SLC9A8: variants seen among roughly 807,000 people sequenced by gnomAD.
The protein encoded by SLC9A8 is solute carrier family 9 member A8, also known as sodium/hydrogen exchanger 8.
Under a neutral mutation model 66.6 loss-of-function variants are expected in SLC9A8, and 48 were observed. That is an observed-to-expected ratio of 0.72 (90% CI 0.57 to 0.92). The LOEUF is 0.92. SLC9A8 is among the 40% of genes least tolerant of loss of function. The pLI, the probability that SLC9A8 is intolerant of heterozygous loss-of-function variation, is 0.00. For missense variants in SLC9A8, 599 were observed against 747.3 expected (o/e 0.80, Z 2.31); for synonymous variants, 274 against 282.6 (o/e 0.97, Z 0.31).
intron 4 of SLC9A8, among the ~76,000 whole-genome samples, chr20:49,842,188 A>G (rs2087797055): frequency 6.6e-6 from 1 of 150,960 alleles, no homozygotes; most frequent in Non-Finnish European, 1.5e-5. Context: ...TCCTGCCTCA[A>G]CCTCCTGAGT....
In SLC9A8 at chr20:49,881,048, T is replaced by C. The variant is rs1170236084; in HGVS notation, c.1270+13T>C. ...ATGTGGTTTAGTGGTAAGTCAAATCTTGGATAAATGGGGTGGGGAAGTACC... is the reference window on the plus strand; with the variant it reads ...ATGTGGTTTAGTGGTAAGTCAAATCCTGGATAAATGGGGTGGGGAAGTACC... On this transcript the variant is annotated intron_variant, in intron 13 of 15. Coordinates refer to ENST00000361573, the MANE Select transcript of SLC9A8 (RefSeq NM_015266.3). 1.3e-6 allele frequency: 2 copies of C among 1,570,936 alleles called. No homozygotes were observed. Among genetic ancestry groups the C allele is most frequent in the Admixed American group, 3.3e-5 (2 of 59,972 alleles).
rs1555848191 is a variant in SLC9A8 at position 49,884,225 on chromosome 20, C to CACACACG, written c.1491+165_1491+166insGACACAC. 5.0e-5 allele frequency: 12 copies of CACACACG among 242,106 alleles called. No homozygotes were observed. In the East Asian group the frequency reaches 6.3e-4, roughly 13 times the overall value. The allele number at this position is 242,106 out of a possible 1,614,324, so 15.0% of individuals were successfully genotyped here. A position where few individuals can be genotyped will look rare whatever the true frequency, so the allele number is the denominator to read the frequency against. Reference sequence around the variant, plus strand: ...ACACACACACACACACACACACACACACACACACACACACACGACACACAC... The same window carrying CACACACG: ...ACACACACACACACACACACACACACACACACGACACACACACACACACGACACACAC... On this transcript the variant is annotated intron_variant, in intron 14 of 15. Coordinates refer to ENST00000361573, the MANE Select transcript of SLC9A8 (RefSeq NM_015266.3).
rs1363636636 is a variant in SLC9A8, at chr20:49,890,437, T to C, written c.*2501T>C. On this transcript the variant is annotated 3_prime_UTR_variant, in exon 16 of 16. Coordinates refer to ENST00000361573, the MANE Select transcript of SLC9A8 (RefSeq NM_015266.3). ...TTTATTTTCTTCTGGGTCTAGGCCA[T>C]GGTACAGGAGAACTGTGGCGTGTAG... 2.6e-5 allele frequency: 4 copies of C among 152,220 alleles called. No homozygotes were observed. The highest frequency in any genetic ancestry group is 9.6e-5 in the African/African-American group (4 of 41,452). 9.4% of individuals were successfully genotyped at this position (152,220 alleles called of 1,614,324 possible). A position where few individuals can be genotyped will look rare whatever the true frequency, so the allele number is the denominator to read the frequency against.
intron 5 of SLC9A8, 128 bp downstream of exon 5, chr20:49,845,247 C>A: frequency 1.5e-6 from 1 of 686,772 alleles, no homozygotes; most frequent in Non-Finnish European, 2.6e-6. Flanking sequence ...CCTGGTTGTG[C>A]TCAGTGGAAG....
At chr20:49,858,624 C>A (rs1008359160) in intron 8 of SLC9A8, among the ~76,000 whole-genome samples, 1 of 151,798 alleles carries the variant, frequency 6.6e-6, no homozygotes, top group Non-Finnish European at 1.5e-5. Context: ...ATGGAGTCAT[C>A]GTTGGTAGCC....
intron 3 of SLC9A8, among the ~76,000 whole-genome samples, chr20:49,831,885 C>T (rs532622474): frequency 6.6e-6 from 1 of 152,248 alleles, no homozygotes; most frequent in South Asian, 2.1e-4. Flanking sequence ...ACCCCAGACA[C>T]CACTGCCACA....
intron 10 of SLC9A8, among the ~76,000 whole-genome samples, chr20:49,865,074 C>T (rs1489974397): frequency 2.0e-5 from 3 of 152,228 alleles, no homozygotes; most frequent in Admixed American, 6.5e-5. Flanking sequence ...TTTCTCTTAA[C>T]CCGCCTTCTC....
chr20:49,825,762 A>G (rs1182346761), intron 3 of SLC9A8, among the ~76,000 whole-genome samples: 1 of 152,212 alleles, frequency 6.6e-6, no homozygotes, highest in Non-Finnish European at 1.5e-5. Context: ...TCCTGGACCC[A>G]GTTCTTCTCC....
chr20:49,815,280 C>G, intron 2 of SLC9A8, 91 bp downstream of exon 2: 2 of 1,117,460 alleles, frequency 1.8e-6, no homozygotes, highest in Non-Finnish European at 2.4e-6. Flanking sequence ...TCTTGACTGT[C>G]AAGTCTTCCT....
intron 2 of SLC9A8, among the ~76,000 whole-genome samples, chr20:49,822,589 A>G (rs1410378967): frequency 6.6e-6 from 1 of 152,254 alleles, no homozygotes; most frequent in Non-Finnish European, 1.5e-5. Context: ...GTTGGAGACC[A>G]GCCTGTGCAA....
intron 11 of SLC9A8, among the ~76,000 whole-genome samples, chr20:49,876,617 T>C (rs1007163370): frequency 6.6e-6 from 1 of 152,188 alleles, no homozygotes; most frequent in Non-Finnish European, 1.5e-5. Flanking sequence ...ACAGAAAAAC[T>C]GTCAAATTTC....
intron 10 of SLC9A8, 126 bp from the exon 11 acceptor site, chr20:49,874,579 G>A: frequency 1.4e-6 from 1 of 696,434 alleles, no homozygotes; most frequent in Non-Finnish European, 2.6e-6. Flanking sequence ...GAGGCTTCAG[G>A]AATTCATTTA....
rs2089586036 is a variant in SLC9A8 at position 49,880,473 on chromosome 20, C to T, written c.1159-451C>T. 2.0e-5 allele frequency among the ~76,000 whole-genome samples: 3 copies of T among 152,230 alleles called. No homozygotes were observed. The South Asian group carries it at 6.2e-4, about 32-fold the overall frequency. On this transcript the variant is annotated intron_variant, in intron 12 of 15. Transcript: ENST00000361573. ...TGGGAGGTCCTTCATAGCTGCCCTC[C>T]TTTCCCTGAGGGAGAGGCAGAAACA...
Position 49,849,681 on chromosome 20 carries a change from G to A in SLC9A8, c.534+1G>A. ...TGGAGGAATTTATTTTCTGGGTCAGGTAAGAAAATCATCTTTGAAACACTT... is the reference window on the plus strand; with the variant it reads ...TGGAGGAATTTATTTTCTGGGTCAGATAAGAAAATCATCTTTGAAACACTT... On this transcript the variant is annotated splice_donor_variant, in intron 6 of 15. Transcript: ENST00000361573. LOFTEE classifies it high-confidence loss of function. The A allele has an allele frequency of 6.2e-7, 1 of 1,601,748 alleles. No individual in the cohort carries two copies. Among genetic ancestry groups the A allele is most frequent in the South Asian group, 1.1e-5 (1 of 90,846 alleles).
chr20:49,830,354 G>T (rs1433039505), intron 3 of SLC9A8: 16 of 897,832 alleles, frequency 1.8e-5, no homozygotes, highest in Admixed American at 1.7e-5. Flanking sequence ...TCTAGGAGGG[G>T]GCCCGCCTGG....
chr20:49,873,419 T>C (rs928416196), intron 10 of SLC9A8, among the ~76,000 whole-genome samples: 2 of 147,750 alleles, frequency 1.4e-5, no homozygotes, highest in African/African-American at 5.0e-5. Context: ...GAGATGGAGG[T>C]TGCAGTGAGC....
chr20:49,819,409 A>G (rs2086660442), intron 2 of SLC9A8, among the ~76,000 whole-genome samples: 1 of 152,232 alleles, frequency 6.6e-6, no homozygotes, highest in Non-Finnish European at 1.5e-5. Context: ...GCAGAAACAC[A>G]AATAATACAT....
chr20:49,834,214 T>TATATATACACAC (rs1479055075), intron 3 of SLC9A8, among the ~76,000 whole-genome samples: 1 of 112,150 alleles, frequency 8.9e-6, no homozygotes, highest in African/African-American at 3.8e-5. Flanking sequence ...TATATATATA[T>TATATATACACAC]ACACACACAC....
At chr20:49,845,308 T>C (rs1032517710) in intron 5 of SLC9A8, among the ~76,000 whole-genome samples, 189 bp downstream of exon 5, 3 of 152,238 alleles carry the variant, frequency 2.0e-5, no homozygotes, top group Non-Finnish European at 4.4e-5. Flanking sequence ...ATGAATTGGC[T>C]GCTTTAATGG....
Sources: gnomAD v4.1 joint callset for allele counts (sites outside exome capture counted in the v4.1 genomes callset) on GRCh38, gnomAD v4.1.1 for gene constraint, MANE v1.5 for transcripts, NCBI Gene and HGNC (gene_info 2026-07-23, HGNC 2026-07-21) for gene names.